SREK1: variants seen among roughly 807,000 people sequenced by gnomAD.
SREK1 encodes splicing regulatory glutamic acid and lysine rich protein 1.
Under a neutral mutation model 66.5 loss-of-function variants are expected in SREK1, and 13 were observed. The observed-to-expected ratio is 0.20, with a 90% CI of 0.13 to 0.31. The LOEUF (loss-of-function observed/expected upper bound fraction) is 0.31, where lower values mean the gene tolerates loss of function less well. Among genes scored for constraint, SREK1 ranks in the 10% least tolerant of loss-of-function variants. SREK1 has a pLI of 1.00. For missense variants in SREK1, 607 were observed against 769.6 expected (o/e 0.79, Z 2.50); for synonymous variants, 265 against 263.5 (o/e 1.01, Z -0.05).
In SREK1 at chr5:66,170,668, A is replaced by G. The variant is rs1043121287; in HGVS notation, c.1205A>G (p.Glu402Gly). ...EKDREKEREREKEREKEKERG... is the reference protein window; with the variant it reads ...EKDREKERERGKEREKEKERG... ...GACAGGGAAAAGGAGAGAGAGAGGG[A>G]AAAGGAACGTGAAAAAGAAAAGGAA... Residue 402 changes from glutamate to glycine, a missense_variant, in exon 9 of 12, where the codon GAA (glutamate) becomes GGA (glycine). By Grantham distance (98) the Glu-to-Gly change is moderately conservative (BLOSUM62 -2). Around this residue, in one of 5 missense-constraint regions of SREK1, gnomAD observed 318 missense variants for 310.3 expected, o/e 1.02. Coordinates refer to ENST00000334121, the MANE Select transcript of SREK1 (RefSeq NM_001077199.3). The G allele has an allele frequency of 5.0e-6, 8 of 1,613,292 alleles. No homozygotes were observed. The highest frequency in any genetic ancestry group is 1.3e-5 in the African/African-American group (1 of 74,858).
At chr5:66,162,741 T>G in intron 5 of SREK1, 149 bp downstream of exon 5, 3 of 617,914 alleles carry the variant, frequency 4.9e-6, no homozygotes, top group Non-Finnish European at 7.9e-6. Context: ...ATACATGAGA[T>G]ACTTACCATT....
At chr5:66,160,385 AT>A (rs1345868428) in intron 3 of SREK1, among the ~76,000 whole-genome samples, 1 of 152,182 alleles carries the variant, frequency 6.6e-6, no homozygotes, top group Non-Finnish European at 1.5e-5. Flanking sequence ...AAAATTTTAG[AT>A]TTGTAGTTTT....
intron 2 of SREK1, among the ~76,000 whole-genome samples, chr5:66,155,725 T>A (rs900578158): frequency 6.6e-6 from 1 of 152,252 alleles, no homozygotes; most frequent in African/African-American, 2.4e-5. Context: ...TGTTTTTTAG[T>A]GTAGACAGTA....
intron 3 of SREK1, among the ~76,000 whole-genome samples, chr5:66,159,673 C>G (rs1237085899): frequency 6.6e-6 from 1 of 151,930 alleles, no homozygotes; most frequent in Non-Finnish European, 1.5e-5. Context: ...ATTTAAAATA[C>G]GTGAAATGAT....
intron 9 of SREK1, among the ~76,000 whole-genome samples, chr5:66,173,564 AGTT>A (rs1354270258): frequency 6.6e-6 from 1 of 152,192 alleles, no homozygotes; most frequent in African/African-American, 2.4e-5. Context: ...CACCAACTTT[AGTT>A]GTTAATACAA....
At chr5:66,149,420 C>T (rs1743570029) in intron 1 of SREK1, among the ~76,000 whole-genome samples, 1 of 152,100 alleles carries the variant, frequency 6.6e-6, no homozygotes, top group East Asian at 1.9e-4. Flanking sequence ...AATATCCATA[C>T]TTCCATGATG....
At chr5:66,163,151 T>C (rs1744901511) in intron 5 of SREK1, 1 of 152,298 alleles carries the variant, frequency 6.6e-6, no homozygotes, top group Non-Finnish European at 1.5e-5. Context: ...TGCTTGAATT[T>C]CATAGATTGC....
At chr5:66,162,679 ATAG>A (rs1744864024) in intron 5 of SREK1, 87 bp downstream of exon 5, 1 of 1,308,332 alleles carries the variant, frequency 7.6e-7, no homozygotes, top group Admixed American at 2.6e-5. Context: ...TTTCTTTTTA[ATAG>A]TAATTGGCAA....
At chr5:66,163,657 TG>T (rs1744942676) in intron 5 of SREK1, 134 bp from the exon 6 acceptor site, 1 of 825,536 alleles carries the variant, frequency 1.2e-6, no homozygotes. Flanking sequence ...AGGTTGCTTT[TG>T]GTTATTCTGT....
At chr5:66,158,705 TTTC>T (rs1403074080) in intron 2 of SREK1, 3 of 1,049,360 alleles carry the variant, frequency 2.9e-6, no homozygotes, top group Admixed American at 6.5e-5. Flanking sequence ...ATATTTGTTT[TTTC>T]TTTTTCTTTT....
Position 66,180,319 on chromosome 5 carries a change from T to C in SREK1, c.*1451T>C, listed in dbSNP as rs1422600507. ...TGTATTTCCAAAAAAGTAATACCTT[T>C]TAATTAGTGTATTAAAAGTTAAGTA... On this transcript the variant is annotated 3_prime_UTR_variant, in exon 12 of 12. Coordinates refer to ENST00000334121, the MANE Select transcript of SREK1 (RefSeq NM_001077199.3). 2.0e-5 allele frequency: 3 copies of C among 152,594 alleles called. No individual in the cohort carries two copies. The Admixed American group carries it at 2.0e-4, about 10-fold the overall frequency. 9.5% of individuals were successfully genotyped at this position (152,594 alleles called of 1,614,324 possible). A position where few individuals can be genotyped will look rare whatever the true frequency, so the allele number is the denominator to read the frequency against.
rs779865082 is a variant in SREK1 at position 66,144,314 on chromosome 5, C to A, written c.-63C>A. On this transcript the variant is annotated 5_prime_UTR_variant, in exon 1 of 12. Transcript: ENST00000334121. ...CGCGGCCGCGCGTTCTCCGCTTTCC[C>A]GGCTCCGTCGCTGACGCGTCGTAGA... 7.4e-7 allele frequency: 1 copy of A among 1,351,468 alleles called. No individual in the cohort carries two copies. Among genetic ancestry groups the A allele is most frequent in the Non-Finnish European group, 1.0e-6 (1 of 999,350 alleles). The allele number at this position is 1,351,468 out of a possible 1,614,324, so 83.7% of individuals were successfully genotyped here.
chr5:66,164,700 G>A, intron 6 of SREK1, 83 bp from the exon 7 acceptor site: 2 of 1,609,944 alleles, frequency 1.2e-6, no homozygotes, highest in Non-Finnish European at 8.5e-7. Context: ...CACTATATGT[G>A]GTACATTCCA....
intron 9 of SREK1, among the ~76,000 whole-genome samples, chr5:66,172,834 T>C (rs1365184184): frequency 2.0e-5 from 3 of 148,656 alleles, no homozygotes; most frequent in African/African-American, 7.5e-5. Context: ...ATTTTTTTTT[T>C]TTTTTTTTTT....
At chr5:66,156,978 T>C (rs1273798365) in intron 2 of SREK1, 19 of 985,106 alleles carry the variant, frequency 1.9e-5, no homozygotes, top group Non-Finnish European at 2.3e-5. Flanking sequence ...TGCTTATTTG[T>C]TTTATACTTT....
rs1321878458 is a variant in SREK1 at position 66,170,955 on chromosome 5, A to G, written c.1484+8A>G. 5.7e-6 allele frequency: 9 copies of G among 1,577,772 alleles called. No individual in the cohort carries two copies. The highest frequency in any genetic ancestry group is 2.2e-5 in the East Asian group (1 of 44,652). On this transcript the variant is annotated splice_region_variant and intron_variant, in intron 9 of 11. Coordinates refer to ENST00000334121, the MANE Select transcript of SREK1 (RefSeq NM_001077199.3). ...ATCTCGTAGTTCCAGCAGGTTTGATAATGCTTAAAATTTTTACAAAGGGAT... is the reference window on the plus strand; with the variant it reads ...ATCTCGTAGTTCCAGCAGGTTTGATGATGCTTAAAATTTTTACAAAGGGAT...
In SREK1 at chr5:66,164,811, C is replaced by T. The variant is rs1580654215; in HGVS notation, c.915C>T (p.Gly305=). 6.2e-6 allele frequency: 10 copies of T among 1,613,992 alleles called. No homozygotes were observed. The highest frequency in any genetic ancestry group is 1.6e-4 in the Middle Eastern group (1 of 6,062). Residue 305 remains glycine (G), a synonymous_variant, in exon 7 of 12, where the codon GGC becomes GGT. Transcript: ENST00000334121. The part of the protein sequence containing the change: ...PESGKSNERK[G]GRSRSHTRSK... ...CTGGAAAGAGCAATGAAAGAAAAGG[C>T]GGTCGATCTCGTTCCCATACTCGCT...
intron 3 of SREK1, 91 bp downstream of exon 3, chr5:66,159,425 T>C: frequency 2.3e-6 from 2 of 859,960 alleles, no homozygotes; most frequent in Middle Eastern, 2.8e-4. Flanking sequence ...CATTTGGATC[T>C]TCTTCTTTTT....
chr5:66,156,341 A>G, intron 2 of SREK1: 2 of 1,280,428 alleles, frequency 1.6e-6, no homozygotes, highest in Non-Finnish European at 2.0e-6. Context: ...TTCTTTGTAA[A>G]TGGTATTTCA....
Sources: allele counts gnomAD v4.1 joint callset (sites outside exome capture counted in the v4.1 genomes callset), GRCh38; gene constraint gnomAD v4.1.1; regional missense constraint gnomAD v4.1.1; transcripts MANE v1.5; gene names NCBI Gene and HGNC (gene_info 2026-07-23, HGNC 2026-07-21).